The following CDKL4 variants were observed in gnomAD, a reference collection of about 807,000 sequenced individuals.
CDKL4 encodes the protein cyclin dependent kinase like 4.
Under a neutral mutation model 42.0 loss-of-function variants are expected in CDKL4, and 44 were observed. The observed-to-expected ratio is 1.05, with a 90% CI of 0.82 to 1.35. The LOEUF (loss-of-function observed/expected upper bound fraction) is 1.35. Ranked by LOEUF, CDKL4 falls within the 40% of genes most tolerant of loss-of-function variation. CDKL4 has a pLI of 0.00. For synonymous variants in CDKL4, 120 were observed against 121.6 expected (o/e 0.99, Z 0.09); for missense variants, 393 against 369.9 (o/e 1.06, Z -0.51).
chr2:39,177,789 T>C (rs945817342), intron 9 of CDKL4, among the ~76,000 whole-genome samples: 4 of 147,182 alleles, frequency 2.7e-5, no homozygotes, highest in African/African-American at 7.6e-5. Context: ...CCCGGGTTCA[T>C]GCAAGTCTCC....
At chr2:39,203,419 T>C (rs952049012) in intron 5 of CDKL4, among the ~76,000 whole-genome samples, 3 of 151,936 alleles carry the variant, frequency 2.0e-5, no homozygotes, top group South Asian at 2.1e-4. Context: ...TTTGTGACAA[T>C]TGGGTATTTT....
intron 4 of CDKL4, among the ~76,000 whole-genome samples, chr2:39,208,158 A>G (rs1413752301): frequency 6.6e-6 from 1 of 152,078 alleles, no homozygotes; most frequent in African/African-American, 2.4e-5. Context: ...AATTGGAACC[A>G]TAAGAAACAG....
chr2:39,221,067 G>A (rs1355853719), intron 3 of CDKL4, among the ~76,000 whole-genome samples: 1 of 140,020 alleles, frequency 7.1e-6, no homozygotes, highest in African/African-American at 2.7e-5. Context: ...AGGCTGGAGT[G>A]CAGTGGTGCC....
intron 8 of CDKL4, among the ~76,000 whole-genome samples, chr2:39,183,853 C>G (rs1434899501): frequency 1.3e-5 from 2 of 152,092 alleles, no homozygotes; most frequent in Non-Finnish European, 1.5e-5. Flanking sequence ...TTGAAGCACT[C>G]CAGCACTCTG....
chr2:39,189,550 C>A (rs937419564), intron 6 of CDKL4, among the ~76,000 whole-genome samples: 4 of 152,162 alleles, frequency 2.6e-5, no homozygotes, highest in African/African-American at 9.7e-5. Flanking sequence ...CTTCAGCAGC[C>A]ACCCCTAATC....
chr2:39,238,585 T>C (rs1209290209), intron 1 of CDKL4, among the ~76,000 whole-genome samples: 3 of 152,158 alleles, frequency 2.0e-5, no homozygotes, highest in Non-Finnish European at 4.4e-5. Context: ...AAATTTAGAA[T>C]ATTTATATTA....
intron 3 of CDKL4, among the ~76,000 whole-genome samples, chr2:39,215,532 A>G (rs961502065): frequency 6.6e-6 from 1 of 152,208 alleles, no homozygotes; most frequent in African/African-American, 2.4e-5. Flanking sequence ...TCTTAATTTA[A>G]AAAAATTATA....
At chr2:39,172,623 C>T (rs2148271642), downstream of CDKL4, among the ~76,000 whole-genome samples, 1 of 152,270 alleles carries the variant, frequency 6.6e-6, no homozygotes, top group East Asian at 1.9e-4. Context: ...GCTCTGTTGC[C>T]TAGGCTGGAG....
chr2:39,176,481 C>G (rs1259388323), intron 9 of CDKL4, among the ~76,000 whole-genome samples: 1 of 152,210 alleles, frequency 6.6e-6, no homozygotes, highest in Non-Finnish European at 1.5e-5. Context: ...GTTGCCCAGG[C>G]TGGAGTGCAA....
exon 5 of CDKL4, chr2:39,204,608 T>G: frequency 6.7e-7 from 1 of 1,488,238 alleles, no homozygotes; most frequent in Non-Finnish European, 9.4e-7. Flanking sequence ...TTTATATCTC[T>G]GTGAATACAC....
the CDKL4 span, among the ~76,000 whole-genome samples, chr2:39,168,790 C>A: frequency 6.7e-6 from 1 of 150,092 alleles, no homozygotes; most frequent in African/African-American, 2.4e-5. Flanking sequence ...CACAGTCTCA[C>A]TCTGTTGCCA....
intron 1 of CDKL4, among the ~76,000 whole-genome samples, chr2:39,231,156 G>C (rs1218466056): frequency 6.6e-6 from 1 of 152,156 alleles, no homozygotes; most frequent in Non-Finnish European, 1.5e-5. Flanking sequence ...AGGTTGCAGT[G>C]AGCTGAGATC....
chr2:39,199,600 G>C (rs1246391065), intron 5 of CDKL4, among the ~76,000 whole-genome samples: 1 of 152,104 alleles, frequency 6.6e-6, no homozygotes, highest in Non-Finnish European at 1.5e-5. Flanking sequence ...CAAAATACTA[G>C]CTAACCAAAT....
chr2:39,243,308 A>G lies in CDKL4; in HGVS notation c.-57+563T>C, dbSNP rs577543169. Among the ~76,000 whole-genome samples the G allele has an allele frequency of 1.8e-3, 272 of 152,316 alleles. 1 individual carries two copies. The highest frequency in any genetic ancestry group is 6.3e-3 in the African/African-American group (261 of 41,558). On this transcript the variant is annotated intron_variant, in intron 1 of 9. Coordinates refer to ENST00000451199, the Ensembl canonical transcript of CDKL4. ...ACTAATTAGTCAAATGGGCCATTAAATCATTGTTTTATCAACATAACAGTG... is the reference window on the plus strand; with the variant it reads ...ACTAATTAGTCAAATGGGCCATTAAGTCATTGTTTTATCAACATAACAGTG...
intron 3 of CDKL4, 36 bp from the exon 4 acceptor site, chr2:39,213,508 T>C (rs2148354037): frequency 2.8e-6 from 4 of 1,422,698 alleles, no homozygotes; most frequent in Non-Finnish European, 4.0e-6. Context: ...TGAAAACTCA[T>C]AGGATAGAGT....
chr2:39,186,615 C>A (rs1675842272), intron 7 of CDKL4, among the ~76,000 whole-genome samples: 1 of 151,956 alleles, frequency 6.6e-6, no homozygotes, highest in South Asian at 2.1e-4. Flanking sequence ...AGAGATGATC[C>A]CTGTGATTTG....
chr2:39,209,160 T>A (rs1054460888), intron 4 of CDKL4, among the ~76,000 whole-genome samples: 11 of 150,512 alleles, frequency 7.3e-5, no homozygotes, highest in African/African-American at 2.7e-4. Context: ...ATTTTTTTTT[T>A]AAATTAGCCA....
intron 3 of CDKL4, among the ~76,000 whole-genome samples, chr2:39,216,992 C>T (rs1677960189): frequency 6.6e-6 from 1 of 152,042 alleles, no homozygotes; most frequent in South Asian, 2.1e-4. Flanking sequence ...ACTGATCGTG[C>T]AAAGAGAAGA....
intron 5 of CDKL4, among the ~76,000 whole-genome samples, chr2:39,203,780 A>T (rs1676994349): frequency 6.6e-6 from 1 of 152,162 alleles, no homozygotes; most frequent in Admixed American, 6.6e-5. Context: ...TTTCAGCCGC[A>T]TGGCACAGGG....
Sources: gnomAD v4.1 joint callset for allele counts (sites outside exome capture counted in the v4.1 genomes callset) on GRCh38, gnomAD v4.1.1 for gene constraint, MANE v1.5 for transcripts, NCBI Gene and HGNC (gene_info 2026-07-23, HGNC 2026-07-21) for gene names.